The following FANCA variants were observed in gnomAD, a reference collection of about 807,000 sequenced individuals.
FANCA encodes Fanconi anemia group A protein.
In FANCA, 236 loss-of-function variants were observed where a neutral mutation model predicts 194.3. That is an observed-to-expected ratio of 1.21 (90% CI 1.09 to 1.35). The LOEUF is 1.35. FANCA is among the 40% of genes most tolerant of loss of function. The pLI is 0.00. For missense variants in FANCA, 2,628 were observed against 1,813.9 expected (o/e 1.45, Z -8.15); for synonymous variants, 1,014 against 715.8 (o/e 1.42, Z -6.65).
At chr16:89,758,461 G>C in intron 30 of FANCA, 116 bp downstream of exon 30, 2 of 1,299,614 alleles carry the variant, frequency 1.5e-6, no homozygotes, top group Non-Finnish European at 2.2e-6. Flanking sequence ...GGCTGGGAAA[G>C]GCAGACCCAC....
intron 36 of FANCA, 133 bp from the exon 37 acceptor site, chr16:89,743,071 C>T (rs1393707321): frequency 2.9e-6 from 3 of 1,032,148 alleles, no homozygotes; most frequent in Admixed American, 2.8e-5. Context: ...GGTTTCAGGA[C>T]CATCAGAAAC....
intron 11 of FANCA, among the ~76,000 whole-genome samples, chr16:89,793,896 G>A (rs149739791): frequency 4.6e-5 from 7 of 152,170 alleles, no homozygotes; most frequent in South Asian, 2.1e-4. Flanking sequence ...GACTACAGGC[G>A]CCCACCACCA....
At chr16:89,804,212 C>G (rs2040554740) in intron 7 of FANCA, among the ~76,000 whole-genome samples, 1 of 152,098 alleles carries the variant, frequency 6.6e-6, no homozygotes. Flanking sequence ...GGAAAAAACC[C>G]ACAAGCTACT....
At chr16:89,798,628 C>A in intron 10 of FANCA, 1 of 1,182,218 alleles carries the variant, frequency 8.5e-7, no homozygotes, top group South Asian at 2.6e-5. Flanking sequence ...GCCCCCACTC[C>A]TCAGCTTCCG....
At chr16:89,785,571 G>T (rs1366430473) in intron 14 of FANCA, among the ~76,000 whole-genome samples, 2 of 152,176 alleles carry the variant, frequency 1.3e-5, no homozygotes, top group Non-Finnish European at 2.9e-5. Flanking sequence ...AACGAAGGGG[G>T]CTGCAGCAAA....
At chr16:89,810,629 G>T in intron 5 of FANCA, 78 bp downstream of exon 5, 1 of 924,874 alleles carries the variant, frequency 1.1e-6, no homozygotes, top group Non-Finnish European at 1.8e-6. Flanking sequence ...GAAAACCCAG[G>T]TACTCTGTTG....
At position 89,791,606 on chromosome 16, in the gene FANCA, T is replaced by C. The variant is rs897325648; in HGVS notation, c.1226-70A>G. Reference sequence around the variant, plus strand: ...AGCAGGAACATGACGTGAGTTATGCTGGGTGATCAAGTATTCCAGAAGGAG... The same window carrying C: ...AGCAGGAACATGACGTGAGTTATGCCGGGTGATCAAGTATTCCAGAAGGAG... On this transcript the variant is annotated intron_variant, in intron 13 of 42. Coordinates refer to ENST00000389301, the MANE Select transcript of FANCA (RefSeq NM_000135.4). The C allele has an allele frequency of 5.0e-6, 8 of 1,599,396 alleles. No individual in the cohort carries two copies. The African/African-American group carries it at 9.4e-5, about 19-fold the overall frequency.
chr16:89,770,568 C>T lies in FANCA; in HGVS notation c.2218G>A (p.Glu740Lys), dbSNP rs536086288. The change falls in exon 24 of 43, where the codon GAG becomes AAG. Residue 740 changes from glutamate (E) to lysine (K), a missense_variant. Transcript: ENST00000389301. The stretch of plus-strand genomic sequence containing the variant: ...GGGAGCTGCCCGCGCCTTCACCTCT[C>T]CGGGGGAGCGACACTGGAGGCAGCC... ...LMAASSVAPP[E>K]RQGPWAALFV... The T allele has an allele frequency of 1.2e-6, 2 of 1,609,066 alleles. No individual in the cohort carries two copies. The highest frequency in any genetic ancestry group is 2.7e-5 in the African/African-American group (2 of 74,962).
chr16:89,784,045 C>G (rs2039812897), intron 15 of FANCA, among the ~76,000 whole-genome samples: 1 of 152,066 alleles, frequency 6.6e-6, no homozygotes, highest in African/African-American at 2.4e-5. Context: ...CAGGTGTGAG[C>G]CACCACGCCC....
chr16:89,775,690 G>C, intron 21 of FANCA, 52 bp downstream of exon 21: 2 of 1,472,998 alleles, frequency 1.4e-6, no homozygotes, highest in East Asian at 2.3e-5. Context: ...CTCAAGGTTA[G>C]GAAAATGGAA....
Position 89,810,913 on chromosome 16 carries a change from T to C in FANCA, c.426+16A>G, listed in dbSNP as rs1598190483. 2 of 1,614,188 alleles carry C rather than the reference T, an allele frequency of 1.2e-6. No individual in the cohort carries two copies. Among genetic ancestry groups the C allele is most frequent in the East Asian group, 4.5e-5 (2 of 44,892 alleles). On this transcript the variant is annotated intron_variant, in intron 4 of 42. Transcript: ENST00000389301. ...GTAACAACGGGCAGGTTTCCTCATC[T>C]TTGCTGGTGTCTTACTCTCTGCTCC... is the stretch of plus-strand genomic sequence containing the variant.
At chr16:89,813,925 G>A (rs191122262) in intron 3 of FANCA, among the ~76,000 whole-genome samples, 2 of 152,238 alleles carry the variant, frequency 1.3e-5, no homozygotes, top group Admixed American at 6.5e-5. Flanking sequence ...CTGTGTGGCT[G>A]AGCTTGGTTC....
At chr16:89,796,434 G>A (rs756829252) in intron 10 of FANCA, among the ~76,000 whole-genome samples, 6 of 152,168 alleles carry the variant, frequency 3.9e-5, no homozygotes, top group Non-Finnish European at 7.3e-5. Context: ...CCTGAGAGAA[G>A]AGCCCAGCAC....
At chr16:89,759,303 G>C (rs1162973578) in intron 29 of FANCA, among the ~76,000 whole-genome samples, 1 of 87,548 alleles carries the variant, frequency 1.1e-5, no homozygotes, top group African/African-American at 4.4e-5. Flanking sequence ...TTGGGCAACA[G>C]AGCGAGACTC....
At chr16:89,739,415 G>A (rs372257628) in intron 40 of FANCA, 63 bp downstream of exon 40, 3 of 1,555,970 alleles carry the variant, frequency 1.9e-6, no homozygotes, top group Non-Finnish European at 1.7e-6. Context: ...GGGACCCAGA[G>A]GTGCTGAGAT....
At chr16:89,812,812 A>C (rs540718625) in intron 3 of FANCA, among the ~76,000 whole-genome samples, 138 of 151,776 alleles carry the variant, frequency 9.1e-4, no homozygotes, top group African/African-American at 2.9e-3. Flanking sequence ...AGGCGGGTCG[A>C]TCACGAGGTC....
chr16:89,762,268 T>C (rs2038977429), intron 28 of FANCA, among the ~76,000 whole-genome samples: 1 of 152,180 alleles, frequency 6.6e-6, no homozygotes, highest in African/African-American at 2.4e-5. Context: ...AAACGGCTAT[T>C]TTAGTCTGGG....
chr16:89,793,334 C>G (rs2040140912), intron 11 of FANCA, among the ~76,000 whole-genome samples: 1 of 152,176 alleles, frequency 6.6e-6, no homozygotes, highest in African/African-American at 2.4e-5. Flanking sequence ...AAGGCTCACA[C>G]TCTTGTCTTA....
rs764000721 is a variant in FANCA at position 89,764,882 on chromosome 16, T to C, written c.2778+8A>G. On this transcript the variant is annotated splice_region_variant and intron_variant, in intron 28 of 42. Transcript: ENST00000389301. Reference sequence around the variant, plus strand: ...TGGCATGATGCAGGAGAAGGAACGGTCACCTACGTGAACATCTTCCTCTTT... The same window carrying C: ...TGGCATGATGCAGGAGAAGGAACGGCCACCTACGTGAACATCTTCCTCTTT... 1.2e-6 allele frequency: 2 copies of C among 1,613,744 alleles called. No homozygotes were observed. The highest frequency in any genetic ancestry group is 1.7e-6 in the Non-Finnish European group (2 of 1,179,776).
Sources: gnomAD v4.1 joint callset for allele counts (sites outside exome capture counted in the v4.1 genomes callset) on GRCh38, gnomAD v4.1.1 for gene constraint, MANE v1.5 for transcripts, NCBI Gene and HGNC (gene_info 2026-07-23, HGNC 2026-07-21) for gene names.